ME3: variants seen among roughly 807,000 people sequenced by gnomAD.
ME3 encodes the protein malic enzyme 3, also known as NADP-dependent malic enzyme, mitochondrial.
Under a neutral mutation model 68.9 loss-of-function variants are expected in ME3, and 48 were observed. The observed-to-expected ratio is 0.70, with a 90% CI of 0.55 to 0.89. The LOEUF is 0.89. Among genes scored for constraint, ME3 ranks in the 40% least tolerant of loss-of-function variants. The pLI is 0.00. For synonymous variants in ME3, 320 were observed against 318.8 expected (o/e 1.00, Z -0.04); for missense variants, 675 against 797.4 (o/e 0.85, Z 1.85).
chr11:86,464,113 C>A (rs1469235275), intron 8 of ME3: 1 of 452,276 alleles, frequency 2.2e-6, no homozygotes, highest in Non-Finnish European at 4.4e-6. Context: ...CCTCTTTGGG[C>A]CTCTGGAGAA....
intron 2 of ME3, among the ~76,000 whole-genome samples, chr11:86,576,863 GAACCTAT>G (rs1565162701): frequency 6.6e-6 from 1 of 152,306 alleles, no homozygotes; most frequent in East Asian, 1.9e-4. Context: ...GGGAATCAGA[GAACCTAT>G]GTATTTTTAA....
chr11:86,460,682 C>T (rs1950185786), intron 8 of ME3, among the ~76,000 whole-genome samples: 3 of 152,218 alleles, frequency 2.0e-5, no homozygotes, highest in Admixed American at 2.0e-4. Context: ...GCATCGCTTC[C>T]TCCTCCTTCC....
chr11:86,486,228 C>G (rs1464499822), intron 7 of ME3, among the ~76,000 whole-genome samples: 1 of 152,226 alleles, frequency 6.6e-6, no homozygotes, highest in Non-Finnish European at 1.5e-5. Context: ...CTTTTTCCCC[C>G]CATCCTACAG....
chr11:86,538,673 C>G lies in ME3; in HGVS notation c.467+17880G>C, dbSNP rs138249900. On this transcript the variant is annotated intron_variant, in intron 4 of 14. Transcript: ENST00000543262. ...CTCATCAGGCTCTTCCCTCCTCATG[C>G]TTCGGTTAGTACTGTAGTTCCCTGT... 3.4e-4 allele frequency among the ~76,000 whole-genome samples: 52 copies of G among 152,266 alleles called. No individual in the cohort carries two copies. The East Asian group carries it at 9.8e-3, about 29-fold the overall frequency.
At chr11:86,600,575 T>C (rs1960442180) in intron 2 of ME3, among the ~76,000 whole-genome samples, 1 of 150,456 alleles carries the variant, frequency 6.6e-6, no homozygotes, top group African/African-American at 2.4e-5. Context: ...TACCCAGGAA[T>C]TGAACTCAGC....
At chr11:86,533,068 C>T (rs1955379559) in intron 4 of ME3, among the ~76,000 whole-genome samples, 1 of 150,754 alleles carries the variant, frequency 6.6e-6, no homozygotes, top group Non-Finnish European at 1.5e-5. Flanking sequence ...AAAAAAGACT[C>T]ACAAACAAGT....
At chr11:86,661,851 TG>T (rs1276311915) in intron 2 of ME3, among the ~76,000 whole-genome samples, 9 of 68,834 alleles carry the variant, frequency 1.3e-4, no homozygotes, top group African/African-American at 5.5e-4. Flanking sequence ...TGTATTGTAT[TG>T]TATTGTATTG....
intron 8 of ME3, among the ~76,000 whole-genome samples, chr11:86,462,041 G>T (rs1594052490): frequency 6.6e-6 from 1 of 152,286 alleles, no homozygotes; most frequent in East Asian, 1.9e-4. Flanking sequence ...GTAAACAAAT[G>T]GATTGATTTA....
chr11:86,663,039 C>T (rs1259433471), intron 2 of ME3, among the ~76,000 whole-genome samples: 1 of 152,190 alleles, frequency 6.6e-6, no homozygotes, highest in Non-Finnish European at 1.5e-5. Context: ...TCAACAGAGA[C>T]TGCCTTCTCC....
intron 2 of ME3, among the ~76,000 whole-genome samples, chr11:86,658,280 G>C (rs1303843317): frequency 6.6e-6 from 1 of 151,844 alleles, no homozygotes. Context: ...TGCGTCACCA[G>C]CCCAGCTAAT....
At chr11:86,435,289 A>T in the ME3 span, 1 of 152,154 alleles carries the variant, frequency 6.6e-6, no homozygotes, top group Non-Finnish European at 1.5e-5. Context: ...ATAGTAGGTC[A>T]TGGCAGCCTA....
In ME3 at chr11:86,447,189, C is replaced by T. The variant is rs201918220; in HGVS notation, c.1256G>A (p.Gly419Glu). 258 of 1,614,086 alleles carry T rather than the reference C, an allele frequency of 1.6e-4. 3 individuals are homozygous for T. The Admixed American group carries it at 4.2e-3, about 26-fold the overall frequency. The change falls in exon 12 of 15, where the codon GGA becomes GAA. Residue 419 changes from glycine (G) to glutamate (E), a missense_variant. By Grantham distance (98) the Gly-to-Glu change is moderately conservative. Coordinates refer to ENST00000543262, the Ensembl canonical transcript of ME3. The stretch of plus-strand genomic sequence containing the variant: ...CCTCAGAATCTGCTCCGTGAAGGCT[C>T]CTGCGATGGCAGCAACACCTACAGG...
intron 6 of ME3, among the ~76,000 whole-genome samples, chr11:86,493,689 C>T (rs1952133287): frequency 1.3e-5 from 2 of 152,228 alleles, no homozygotes; most frequent in South Asian, 4.1e-4. Context: ...GTCCCTTCTT[C>T]ATGGGATCAT....
intron 2 of ME3, among the ~76,000 whole-genome samples, chr11:86,593,596 A>C (rs1959169348): frequency 6.8e-6 from 1 of 146,584 alleles, no homozygotes; most frequent in African/African-American, 2.5e-5. Flanking sequence ...GTTTGAAAGT[A>C]ATATTACGCA....
intron 2 of ME3, among the ~76,000 whole-genome samples, chr11:86,562,536 T>C (rs1957285138): frequency 6.6e-6 from 1 of 152,212 alleles, no homozygotes; most frequent in African/African-American, 2.4e-5. Flanking sequence ...TTGCTCTACA[T>C]CCTCTCCAGC....
chr11:86,449,923 A>T (rs1949537692), exon 10 of ME3: 2 of 1,613,928 alleles, frequency 1.2e-6, no homozygotes, highest in South Asian at 1.1e-5. Context: ...CACCATCCAG[A>T]TCTTTCTTGT....
At chr11:86,639,140 G>C (rs1231799189) in intron 2 of ME3, among the ~76,000 whole-genome samples, 1 of 152,168 alleles carries the variant, frequency 6.6e-6, no homozygotes, top group African/African-American at 2.4e-5. Flanking sequence ...TCCTGTCTTA[G>C]GAATTAATGG....
Position 86,593,481 on chromosome 11 carries a change from G to C in ME3, c.184-33658C>G, listed in dbSNP as rs1001864720. On this transcript the variant is annotated intron_variant, in intron 2 of 14. Coordinates refer to ENST00000543262, the Ensembl canonical transcript of ME3. ...CATATATCATATGAGCCCCACAAAG[G>C]CTCCAGAACTTCAGCATACAACCAG... 6.2e-5 allele frequency among the ~76,000 whole-genome samples: 9 copies of C among 146,282 alleles called. 1 individual carries two copies. Among genetic ancestry groups the C allele is most frequent in the Non-Finnish European group, 1.2e-4 (8 of 67,150 alleles).
At chr11:86,448,914 G>T (rs1299168924) in intron 10 of ME3, among the ~76,000 whole-genome samples, 2 of 152,180 alleles carry the variant, frequency 1.3e-5, no homozygotes, top group Non-Finnish European at 2.9e-5. Flanking sequence ...CTTGGCTAGG[G>T]TTGATGGAAT....
Sources: gnomAD v4.1 joint callset for allele counts (sites outside exome capture counted in the v4.1 genomes callset) on GRCh38, gnomAD v4.1.1 for gene constraint, MANE v1.5 for transcripts, NCBI Gene and HGNC (gene_info 2026-07-23, HGNC 2026-07-21) for gene names.